PTPRN2: variants seen among roughly 807,000 people sequenced by gnomAD.
PTPRN2 encodes protein tyrosine phosphatase receptor type N2, also known as receptor-type tyrosine-protein phosphatase N2.
A neutral mutation model predicts 118.8 loss-of-function variants in PTPRN2; 74 were observed. That is an observed-to-expected ratio of 0.62 (90% CI 0.52 to 0.76). The LOEUF (loss-of-function observed/expected upper bound fraction) is 0.76, where lower values mean the gene tolerates loss of function less well. PTPRN2 is among the 30% of genes least tolerant of loss of function. The pLI, the probability that PTPRN2 is intolerant of heterozygous loss-of-function variation, is 0.00. For missense variants in PTPRN2, 1,481 were observed against 1,394.4 expected, an observed-to-expected ratio of 1.06 and a Z score of -0.99; for synonymous variants, 641 against 608.0, an observed-to-expected ratio of 1.05 and a Z score of -0.80.
chr7:158,270,941 A>T (rs931042754), intron 3 of PTPRN2, among the ~76,000 whole-genome samples: 14 of 1,658 alleles, frequency 8.4e-3, no homozygotes, highest in East Asian at 0.026. Flanking sequence ...CACCTGGACC[A>T]CCCCCCCACC....
chr7:157,852,586 A>G (rs1809353249), intron 12 of PTPRN2, among the ~76,000 whole-genome samples: 1 of 152,180 alleles, frequency 6.6e-6, no homozygotes, highest in Admixed American at 6.5e-5. Context: ...TAAAAAATAC[A>G]CTGGCCGGGT....
At position 158,398,097 on chromosome 7, in the gene PTPRN2, G is replaced by A. The variant is rs557634787; in HGVS notation, c.164-81165C>T. On this transcript the variant is annotated intron_variant, in intron 2 of 22. Transcript: ENST00000389418. Reference sequence around the variant, plus strand: ...CATCCACACATTCCATGGTCCTGAGGGACACTGTCTAGCTTACAAATCCAT... The same window carrying A: ...CATCCACACATTCCATGGTCCTGAGAGACACTGTCTAGCTTACAAATCCAT... Among the ~76,000 whole-genome samples, 130 of 152,284 alleles carry A rather than the reference G, an allele frequency of 8.5e-4. 2 individuals are homozygous for A. The South Asian group carries it at 0.017, about 20-fold the overall frequency.
At position 158,138,771 on chromosome 7, in the gene PTPRN2, G is replaced by A. The variant is rs147195313; in HGVS notation, c.911-256C>T. Among the ~76,000 whole-genome samples the A allele has an allele frequency of 8.9e-3, 1,356 of 152,298 alleles. 25 individuals carry two copies. The highest frequency in any genetic ancestry group is 0.03 in the African/African-American group (1,262 of 41,546). ...AATGGAAGGACAGACTCATCCACGCGCTCAGGAGGATGGAAAGCACAGCTT... is the reference window on the plus strand; with the variant it reads ...AATGGAAGGACAGACTCATCCACGCACTCAGGAGGATGGAAAGCACAGCTT... On this transcript the variant is annotated intron_variant, in intron 6 of 22. Coordinates refer to ENST00000389418, the MANE Select transcript of PTPRN2 (RefSeq NM_002847.5).
chr7:157,854,364 GTGCAA>G (rs1240571734), intron 12 of PTPRN2, among the ~76,000 whole-genome samples: 2 of 152,244 alleles, frequency 1.3e-5, no homozygotes, highest in African/African-American at 4.8e-5. Flanking sequence ...CTCTCCAGCT[GTGCAA>G]TCGGCACACC....
chr7:158,191,332 G>A (rs1037070079), intron 5 of PTPRN2, among the ~76,000 whole-genome samples: 3 of 152,198 alleles, frequency 2.0e-5, no homozygotes, highest in African/African-American at 7.2e-5. Context: ...ACACCAGCAT[G>A]GCTTCCATCT....
intron 12 of PTPRN2, among the ~76,000 whole-genome samples, chr7:157,895,051 T>C (rs9942685): frequency 0.81 from 120,477 of 149,656 alleles, 48,510 homozygotes; most frequent in East Asian, 0.99. Flanking sequence ...AGAGGACCCC[T>C]CCCCCACAGG....
chr7:157,730,700 T>C (rs970426310), intron 12 of PTPRN2, among the ~76,000 whole-genome samples: 2 of 151,982 alleles, frequency 1.3e-5, no homozygotes, highest in Non-Finnish European at 2.9e-5. Flanking sequence ...CACAGTGGGG[T>C]CTTTAAAACA....
chr7:158,368,842 G>A (rs954415137), intron 2 of PTPRN2, among the ~76,000 whole-genome samples: 2 of 152,244 alleles, frequency 1.3e-5, no homozygotes, highest in African/African-American at 2.4e-5. Flanking sequence ...GAAGAGGCAG[G>A]AATTGTGTGG....
chr7:157,914,115 TC>T (rs1798245027), intron 11 of PTPRN2, among the ~76,000 whole-genome samples: 1 of 152,256 alleles, frequency 6.6e-6, no homozygotes, highest in Non-Finnish European at 1.5e-5. Context: ...ATATTAGCAT[TC>T]CAATTTTAAT....
intron 1 of PTPRN2, among the ~76,000 whole-genome samples, chr7:158,502,569 G>A (rs1487637151): frequency 2.6e-5 from 4 of 152,172 alleles, no homozygotes; most frequent in South Asian, 2.1e-4. Context: ...TGCACTTGCC[G>A]AGTCCCCTGG....
At chr7:158,537,327 C>G (rs73510525) in intron 1 of PTPRN2, among the ~76,000 whole-genome samples, 2,466 of 152,316 alleles carry the variant, frequency 0.016, 61 homozygotes, top group African/African-American at 0.051. Context: ...TAAGGAACCA[C>G]AGGAAGAGGC....
At chr7:157,714,868 C>T (rs1798823214) in intron 12 of PTPRN2, among the ~76,000 whole-genome samples, 1 of 151,866 alleles carries the variant, frequency 6.6e-6, no homozygotes, top group African/African-American at 2.4e-5. Flanking sequence ...TGAGCAGATT[C>T]TAGGTCTCCC....
intron 11 of PTPRN2, among the ~76,000 whole-genome samples, chr7:158,074,323 C>T (rs76293558): frequency 0.015 from 2,289 of 152,276 alleles, 33 homozygotes; most frequent in East Asian, 0.078. Flanking sequence ...GAGACCCCCT[C>T]GGCAGCTTCC....
At chr7:157,644,816 C>A (rs948826620) in intron 14 of PTPRN2, among the ~76,000 whole-genome samples, 12 of 58,508 alleles carry the variant, frequency 2.1e-4, no homozygotes, top group African/African-American at 4.1e-4. Context: ...AAAAAAAAAA[C>A]AAAAAACAAA....
At chr7:157,960,697 A>G (rs1424013132) in intron 11 of PTPRN2, among the ~76,000 whole-genome samples, 1 of 152,224 alleles carries the variant, frequency 6.6e-6, no homozygotes, top group African/African-American at 2.4e-5. Context: ...ATGATAAATG[A>G]AAAACAAAAA....
chr7:158,264,172 C>T (rs369297644), intron 3 of PTPRN2, among the ~76,000 whole-genome samples: 23 of 152,320 alleles, frequency 1.5e-4, no homozygotes, highest in East Asian at 3.9e-4. Context: ...GCCGCAGCAG[C>T]GCGTCAGGCA....
intron 2 of PTPRN2, among the ~76,000 whole-genome samples, chr7:158,338,038 C>G (rs866831652): frequency 6.1e-5 from 2 of 32,566 alleles, no homozygotes; most frequent in African/African-American, 1.0e-4. Flanking sequence ...CACACCCACA[C>G]TCTCACCATA....
chr7:157,989,624 G>A (rs187670749), intron 11 of PTPRN2, among the ~76,000 whole-genome samples: 16 of 151,608 alleles, frequency 1.1e-4, no homozygotes, highest in African/African-American at 3.9e-4. Flanking sequence ...GAGGGGGGTG[G>A]GTGCCTTCGT....
intron 4 of PTPRN2, among the ~76,000 whole-genome samples, chr7:158,194,130 TGTGA>T (rs957375294): frequency 9.3e-5 from 13 of 139,376 alleles, no homozygotes; most frequent in African/African-American, 2.7e-4. Flanking sequence ...CATGTGCGTG[TGTGA>T]GTTTGTGTAA....
Sources: gnomAD v4.1 joint callset for allele counts (sites outside exome capture counted in the v4.1 genomes callset) on GRCh38, gnomAD v4.1.1 for gene constraint, MANE v1.5 for transcripts, NCBI Gene and HGNC (gene_info 2026-07-23, HGNC 2026-07-21) for gene names.